Variants in HECTD4 observed in about 807,000 individuals in gnomAD.
HECTD4 encodes the protein HECT domain E3 ubiquitin protein ligase 4, also known as probable E3 ubiquitin-protein ligase HECTD4.
Under a neutral mutation model 471.5 loss-of-function variants are expected in HECTD4, and 114 were observed. The observed-to-expected ratio is 0.24, with a 90% CI of 0.21 to 0.28. The LOEUF (loss-of-function observed/expected upper bound fraction) is 0.28. Among genes scored for constraint, HECTD4 ranks in the 10% least tolerant of loss-of-function variants. HECTD4 has a pLI of 1.00. For missense variants in HECTD4, 3,866 were observed against 5,651.5 expected, an observed-to-expected ratio of 0.68 and a Z score of 10.13; for synonymous variants, 2,012 against 2,256.0, an observed-to-expected ratio of 0.89 and a Z score of 3.07.
intron 13 of HECTD4, chr12:112,267,271 C>G (rs897179638): frequency 2.9e-6 from 1 of 342,286 alleles, no homozygotes; most frequent in East Asian, 5.9e-5. Context: ...CAAGGGTATA[C>G]GAGTAGCTGC....
rs933081164 is a variant in HECTD4, at chr12:112,236,827, G to A, written c.5444+118C>T. On this transcript the variant is annotated intron_variant, in intron 35 of 75. Transcript: ENST00000682272. ...TCCATTATTTTTTTGAGGCAAGAGTGTGTCAAAATGGCCTAGTAATTTAGC... is the reference window on the plus strand; with the variant it reads ...TCCATTATTTTTTTGAGGCAAGAGTATGTCAAAATGGCCTAGTAATTTAGC... The A allele has an allele frequency of 1.6e-5, 14 of 886,970 alleles. No homozygotes were observed. In the African/African-American group the frequency reaches 2.0e-4, roughly 13 times the overall value. The allele number at this position is 886,970 out of a possible 1,614,324, so 54.9% of individuals were successfully genotyped here.
intron 7 of HECTD4, among the ~76,000 whole-genome samples, chr12:112,296,563 TG>T (rs1382604347): frequency 6.7e-6 from 1 of 149,610 alleles, no homozygotes; most frequent in Non-Finnish European, 1.5e-5. Context: ...GTGCAAAGGG[TG>T]TAAGTACAGT....
chr12:112,221,437 C>CT (rs2033093377), intron 44 of HECTD4, among the ~76,000 whole-genome samples: 1 of 152,042 alleles, frequency 6.6e-6, no homozygotes, highest in Non-Finnish European at 1.5e-5. Context: ...GGAGTTTCCT[C>CT]CATTTTGCCC....
intron 21 of HECTD4, 71 bp from the exon 22 acceptor site, chr12:112,254,233 G>T: frequency 1.3e-6 from 2 of 1,557,478 alleles, no homozygotes; most frequent in South Asian, 1.2e-5. Flanking sequence ...TAAAAAGGCT[G>T]CAAAAACATT....
Position 112,192,745 on chromosome 12 carries a change from G to A in HECTD4, c.9107C>T (p.Pro3036Leu), listed in dbSNP as rs1356493024. 4 of 1,586,664 alleles carry A rather than the reference G, an allele frequency of 2.5e-6. No homozygotes were observed. The highest frequency in any genetic ancestry group is 1.3e-5 in the African/African-American group (1 of 74,550). Residue 3036 changes from proline to leucine, a missense_variant, in exon 59 of 76, where the codon CCG (proline) becomes CTG (leucine). Physicochemically the swap from Pro to Leu is moderately conservative, Grantham distance 98. Around this residue, in one of 16 missense-constraint regions of HECTD4, gnomAD observed 364 missense variants for 413.2 expected, o/e 0.88. Transcript: ENST00000682272. ...GCCATATACGAGCACCCGTGCCCAC[G>A]GTGCCTTGTACAGAGAGGAGCTGAG... ...FRKDSSLYKA[P>L]WARVLVYGLG...
chr12:112,302,622 AGGGGCCG>A (rs1348746509), intron 7 of HECTD4: 1 of 636,000 alleles, frequency 1.6e-6, no homozygotes, highest in East Asian at 3.0e-5. Flanking sequence ...TCACAACAGC[AGGGGCCG>A]GGGCCACCTT....
intron 11 of HECTD4, among the ~76,000 whole-genome samples, chr12:112,271,102 T>C (rs2034404274): frequency 6.6e-6 from 1 of 152,212 alleles, no homozygotes; most frequent in Non-Finnish European, 1.5e-5. Context: ...TATCAAGATA[T>C]AATTTACATT....
chr12:112,250,794 A>G (rs2033864861), intron 24 of HECTD4, among the ~76,000 whole-genome samples, 177 bp downstream of exon 24: 1 of 152,214 alleles, frequency 6.6e-6, no homozygotes, highest in Non-Finnish European at 1.5e-5. Flanking sequence ...TTAGTAAAGT[A>G]AGGGCCAGAA....
At chr12:112,183,358 CCT>C in intron 61 of HECTD4, 92 bp from the exon 62 acceptor site, 1 of 1,010,674 alleles carries the variant, frequency 9.9e-7, no homozygotes, top group South Asian at 1.4e-5. Context: ...TCCTGGAAAC[CCT>C]CTATTCATCT....
chr12:112,290,420 G>A (rs2034851223), intron 7 of HECTD4, among the ~76,000 whole-genome samples: 1 of 152,000 alleles, frequency 6.6e-6, no homozygotes. Flanking sequence ...AGCTGTGAGG[G>A]AGGCAGACGT....
At chr12:112,259,527 T>C (rs909674296) in intron 18 of HECTD4, among the ~76,000 whole-genome samples, 3 of 149,332 alleles carry the variant, frequency 2.0e-5, no homozygotes, top group African/African-American at 7.4e-5. Context: ...CTTTTTTTTT[T>C]TTTTTTTTTT....
chr12:112,204,357 A>C, intron 53 of HECTD4, 129 bp downstream of exon 53: 1 of 891,754 alleles, frequency 1.1e-6, no homozygotes, highest in Non-Finnish European at 1.7e-6. Flanking sequence ...GCGGTGTGGA[A>C]GAGGTTAGCC....
intron 7 of HECTD4, among the ~76,000 whole-genome samples, chr12:112,305,650 C>T (rs1594029673): frequency 6.6e-6 from 1 of 152,138 alleles, no homozygotes; most frequent in Non-Finnish European, 1.5e-5. Context: ...ACAGAACACA[C>T]TTGGCTCTCA....
At chr12:112,170,523 C>T in intron 68 of HECTD4, 71 bp from the exon 69 acceptor site, 1 of 1,562,386 alleles carries the variant, frequency 6.4e-7, no homozygotes, top group Non-Finnish European at 8.7e-7. Flanking sequence ...CCAAGACTCT[C>T]TTCCGGTCCC....
intron 2 of HECTD4, among the ~76,000 whole-genome samples, chr12:112,316,062 G>C (rs2035471783): frequency 6.6e-6 from 1 of 152,090 alleles, no homozygotes; most frequent in Non-Finnish European, 1.5e-5. Flanking sequence ...AGAGTAAAAT[G>C]TAAAGTCCTT....
At chr12:112,206,751 T>C (rs971031709) in intron 52 of HECTD4, among the ~76,000 whole-genome samples, 2 of 152,140 alleles carry the variant, frequency 1.3e-5, no homozygotes, top group African/African-American at 2.4e-5. Flanking sequence ...TTAGCCAGGA[T>C]GGTCTCAATC....
intron 25 of HECTD4, chr12:112,249,894 G>T: frequency 2.0e-6 from 1 of 505,202 alleles, no homozygotes; most frequent in Non-Finnish European, 3.6e-6. Context: ...TTCAATAGGT[G>T]CAAAATGGGG....
chr12:112,295,079 C>T (rs1476263756), intron 7 of HECTD4, among the ~76,000 whole-genome samples: 2 of 151,566 alleles, frequency 1.3e-5, no homozygotes, highest in East Asian at 1.9e-4. Flanking sequence ...CAAGGCAGGC[C>T]GGACTACTTG....
chr12:112,331,522 G>A (rs919674824), intron 1 of HECTD4, among the ~76,000 whole-genome samples: 2 of 152,158 alleles, frequency 1.3e-5, no homozygotes, highest in East Asian at 1.9e-4. Flanking sequence ...CTGTATTTCC[G>A]CATCTATAAA....
Sources: gnomAD v4.1 joint callset for allele counts (sites outside exome capture counted in the v4.1 genomes callset) on GRCh38, gnomAD v4.1.1 for gene constraint, gnomAD v4.1.1 regional missense constraint, MANE v1.5 for transcripts, NCBI Gene and HGNC (gene_info 2026-07-23, HGNC 2026-07-21) for gene names.